SDCBP: variants seen among roughly 807,000 people sequenced by gnomAD.
SDCBP encodes syndecan binding protein.
In SDCBP, 22 loss-of-function variants were observed where a neutral mutation model predicts 30.5. The observed-to-expected ratio is 0.72, with a 90% CI of 0.52 to 1.03. The LOEUF (loss-of-function observed/expected upper bound fraction) is 1.03. Among genes scored for constraint, SDCBP ranks in the 50% least tolerant of loss-of-function variants. The pLI is 0.00. For synonymous variants in SDCBP, 103 were observed against 118.7 expected (o/e 0.87, Z 0.86); for missense variants, 304 against 369.9 (o/e 0.82, Z 1.46).
At chr8:58,579,226 T>TA (rs1338717748) in intron 6 of SDCBP, among the ~76,000 whole-genome samples, 3 of 136,878 alleles carry the variant, frequency 2.2e-5, no homozygotes, top group Non-Finnish European at 4.9e-5. Flanking sequence ...GAAATAGTCC[T>TA]AAAAATGATT....
chr8:58,567,113 C>T (rs1384087459), intron 2 of SDCBP, among the ~76,000 whole-genome samples: 1 of 130,172 alleles, frequency 7.7e-6, no homozygotes, highest in East Asian at 2.6e-4. Flanking sequence ...TGGCATGCTC[C>T]TTGGGGCACC....
chr8:58,580,984 A>G (rs1805655535), intron 8 of SDCBP, among the ~76,000 whole-genome samples: 1 of 152,180 alleles, frequency 6.6e-6, no homozygotes, highest in South Asian at 2.1e-4. Context: ...TTGCTGGTGG[A>G]ATGCTAAGAG....
At chr8:58,564,797 G>T (rs1804616551) in intron 1 of SDCBP, among the ~76,000 whole-genome samples, 1 of 152,160 alleles carries the variant, frequency 6.6e-6, no homozygotes, top group Non-Finnish European at 1.5e-5. Context: ...GATGGATATA[G>T]TTCAATAATA....
chr8:58,553,964 C>T (rs1046862727), intron 1 of SDCBP, among the ~76,000 whole-genome samples: 3 of 152,144 alleles, frequency 2.0e-5, no homozygotes, highest in Non-Finnish European at 2.9e-5. Flanking sequence ...TGAGATCTGA[C>T]CCCTGAGATA....
intron 1 of SDCBP, among the ~76,000 whole-genome samples, chr8:58,555,285 T>C (rs778895108): frequency 6.6e-6 from 1 of 152,180 alleles, no homozygotes; most frequent in Non-Finnish European, 1.5e-5. Context: ...TATCTGAATT[T>C]AGAATTTCGG....
chr8:58,572,997 C>G (rs576765742), intron 4 of SDCBP, among the ~76,000 whole-genome samples: 1 of 151,446 alleles, frequency 6.6e-6, no homozygotes, highest in Non-Finnish European at 1.5e-5. Flanking sequence ...TAGTAGAGAC[C>G]GGGTTTCACC....
chr8:58,562,761 C>G lies in SDCBP; in HGVS notation c.-15-2258C>G, dbSNP rs151328607. Among the ~76,000 whole-genome samples, 37 of 152,052 alleles carry G rather than the reference C, an allele frequency of 2.4e-4. No individual in the cohort carries two copies. The East Asian group carries it at 7.1e-3, about 29-fold the overall frequency. On this transcript the variant is annotated intron_variant, in intron 1 of 8. Coordinates refer to ENST00000260130, the MANE Select transcript of SDCBP (RefSeq NM_005625.4). ...AAACATAAGGGTAAGTCTTCATAAC[C>G]TTGAGTTGGGCAGTAGTTTCTTAGA... is the stretch of plus-strand genomic sequence containing the variant.
intron 1 of SDCBP, among the ~76,000 whole-genome samples, chr8:58,563,637 G>T (rs909862932): frequency 6.6e-6 from 1 of 152,128 alleles, no homozygotes; most frequent in South Asian, 2.1e-4. Flanking sequence ...TTTAACAGTG[G>T]AGGTTTAATA....
chr8:58,581,843 C>T lies in SDCBP; in HGVS notation c.*103C>T. ...CCTTCCCGGAGCCAGCGAGCATATG[C>T]TGCATGAGGACCTTTCTATCTTACA... On this transcript the variant is annotated 3_prime_UTR_variant, in exon 9 of 9. Transcript: ENST00000260130. The T allele has an allele frequency of 1.2e-6, 1 of 866,990 alleles. No homozygotes were observed. The highest frequency in any genetic ancestry group is 1.3e-5 in the South Asian group (1 of 74,100). 53.7% of individuals were successfully genotyped at this position (866,990 alleles called of 1,614,324 possible). A position where few individuals can be genotyped will look rare whatever the true frequency, so the allele number is the denominator to read the frequency against.
chr8:58,576,939 C>T (rs1434935936), intron 5 of SDCBP, among the ~76,000 whole-genome samples: 7 of 152,162 alleles, frequency 4.6e-5, no homozygotes, highest in African/African-American at 1.2e-4. Flanking sequence ...CTGAGGCCAT[C>T]GATGATGGCC....
intron 1 of SDCBP, among the ~76,000 whole-genome samples, chr8:58,559,353 C>T (rs764790452): frequency 1.3e-5 from 2 of 152,028 alleles, no homozygotes; most frequent in Non-Finnish European, 2.9e-5. Context: ...TTGCAACTTG[C>T]TTTGCATTTT....
chr8:58,553,636 C>G (rs895442158), intron 1 of SDCBP, among the ~76,000 whole-genome samples: 1 of 152,194 alleles, frequency 6.6e-6, no homozygotes, highest in Non-Finnish European at 1.5e-5. Flanking sequence ...CAGCCCCCGC[C>G]CCAGCTCTGG....
At chr8:58,553,467 C>G (rs1025268739) in intron 1 of SDCBP, among the ~76,000 whole-genome samples, 164 bp downstream of exon 1, 27 of 152,288 alleles carry the variant, frequency 1.8e-4, no homozygotes, top group Admixed American at 1.6e-3. Context: ...GCTCCGCGCC[C>G]CTCCCTGCGC....
chr8:58,555,752 GTT>G (rs901249877), intron 1 of SDCBP, among the ~76,000 whole-genome samples: 3 of 140,368 alleles, frequency 2.1e-5, no homozygotes, highest in Non-Finnish European at 1.6e-5. Context: ...TCATTTTTTA[GTT>G]TTTTTTTTTT....
chr8:58,561,763 A>T (rs2129607466), intron 1 of SDCBP: 1 of 689,884 alleles, frequency 1.4e-6, no homozygotes, highest in Non-Finnish European at 2.6e-6. Flanking sequence ...AAAGCTATGG[A>T]CAAATAGAGA....
intron 5 of SDCBP, among the ~76,000 whole-genome samples, chr8:58,577,552 C>G (rs944885513): frequency 5.5e-4 from 83 of 152,286 alleles, no homozygotes; most frequent in African/African-American, 1.9e-3. Context: ...AATGCTTCAG[C>G]TCAAAAGGTA....
At chr8:58,577,054 C>T (rs571428146) in intron 5 of SDCBP, among the ~76,000 whole-genome samples, 1 of 152,362 alleles carries the variant, frequency 6.6e-6, no homozygotes, top group Non-Finnish European at 1.5e-5. Flanking sequence ...TATACTGCTG[C>T]TCCTTCCGCC....
intron 1 of SDCBP, among the ~76,000 whole-genome samples, chr8:58,555,529 A>T (rs914207817): frequency 1.3e-5 from 2 of 152,196 alleles, no homozygotes; most frequent in Non-Finnish European, 2.9e-5. Context: ...TATTAAAAAG[A>T]AGAGTTCCTA....
At chr8:58,572,709 T>C (rs1255561567) in intron 4 of SDCBP, among the ~76,000 whole-genome samples, 1 of 152,002 alleles carries the variant, frequency 6.6e-6, no homozygotes, top group Admixed American at 6.6e-5. Flanking sequence ...AAATTTCCTC[T>C]AGTAACTTAT....
Sources: gnomAD v4.1 joint callset for allele counts (sites outside exome capture counted in the v4.1 genomes callset) on GRCh38, gnomAD v4.1.1 for gene constraint, MANE v1.5 for transcripts, NCBI Gene and HGNC (gene_info 2026-07-23, HGNC 2026-07-21) for gene names.